The following XKR6 variants were observed in gnomAD, a reference collection of about 807,000 sequenced individuals.
XKR6 encodes the protein XK related 6.
A neutral mutation model predicts 56.7 loss-of-function variants in XKR6; 22 were observed. That is an observed-to-expected ratio of 0.39 (90% CI 0.28 to 0.55). The LOEUF (loss-of-function observed/expected upper bound fraction) is 0.55, where lower values mean the gene tolerates loss of function less well. Among genes scored for constraint, XKR6 ranks in the 20% least tolerant of loss-of-function variants. The pLI is 0.66. For missense variants in XKR6, 852 were observed against 889.0 expected, an observed-to-expected ratio of 0.96 and a Z score of 0.53; for synonymous variants, 524 against 387.8, an observed-to-expected ratio of 1.35 and a Z score of -4.13.
intron 1 of XKR6, among the ~76,000 whole-genome samples, chr8:11,052,352 G>A (rs1171603573): frequency 2.6e-5 from 4 of 152,160 alleles, no homozygotes; most frequent in African/African-American, 9.7e-5. Flanking sequence ...GTTTCCCAGA[G>A]CACTTGTCAT....
intron 1 of XKR6, among the ~76,000 whole-genome samples, chr8:11,081,067 C>G (rs1015461058): frequency 2.0e-5 from 3 of 152,218 alleles, no homozygotes; most frequent in Non-Finnish European, 4.4e-5. Context: ...AAACCATTAA[C>G]TTTAGGTAGC....
chr8:11,008,790 G>A (rs117292948), intron 1 of XKR6, among the ~76,000 whole-genome samples: 820 of 152,114 alleles, frequency 5.4e-3, no homozygotes, highest in Non-Finnish European at 8.5e-3. Flanking sequence ...ATGGAGCCAC[G>A]GTCAAGCGCT....
chr8:11,037,744 G>C (rs1425387181), intron 1 of XKR6, among the ~76,000 whole-genome samples: 1 of 152,024 alleles, frequency 6.6e-6, no homozygotes, highest in Admixed American at 6.6e-5. Context: ...TGTAATCCCA[G>C]CTACTTGGGA....
intron 1 of XKR6, among the ~76,000 whole-genome samples, chr8:11,129,197 T>C (rs1030287882): frequency 1.7e-4 from 26 of 152,180 alleles, no homozygotes; most frequent in African/African-American, 6.0e-4. Flanking sequence ...TGCTCAACAT[T>C]GTAAACATAC....
Position 11,133,184 on chromosome 8 carries a change from C to T in XKR6, c.764+67392G>A, listed in dbSNP as rs533008700. Among the ~76,000 whole-genome samples, 11 of 151,054 alleles carry T rather than the reference C, an allele frequency of 7.3e-5. No homozygotes were observed. The East Asian group carries it at 1.5e-3, about 21-fold the overall frequency. ...AAACGCACATTTATAAAAAGCTTAT[C>T]GCTTTCAGTCATCAGAAGTAAGGTA... is the stretch of plus-strand genomic sequence containing the variant. On this transcript the variant is annotated intron_variant, in intron 1 of 2. Transcript: ENST00000416569.
At chr8:11,009,819 A>T (rs10092587) in intron 1 of XKR6, among the ~76,000 whole-genome samples, 7,402 of 152,326 alleles carry the variant, frequency 0.049, 595 homozygotes, top group African/African-American at 0.17. Context: ...ATATTACTTC[A>T]TTAATCATTG....
At chr8:10,934,828 A>G (rs1387183791) in intron 1 of XKR6, among the ~76,000 whole-genome samples, 1 of 149,752 alleles carries the variant, frequency 6.7e-6, no homozygotes, top group Non-Finnish European at 1.5e-5. Context: ...TTTTTGCATC[A>G]ATGTTCATCA....
intron 1 of XKR6, among the ~76,000 whole-genome samples, chr8:11,066,148 C>G (rs1226538124): frequency 1.3e-5 from 2 of 152,176 alleles, no homozygotes; most frequent in East Asian, 3.8e-4. Context: ...AATCAGCAGC[C>G]CTTCTTATCT....
intron 1 of XKR6, among the ~76,000 whole-genome samples, chr8:10,943,060 C>T (rs931578908): frequency 6.6e-6 from 1 of 152,210 alleles, no homozygotes; most frequent in African/African-American, 2.4e-5. Context: ...AGGTAGGCAC[C>T]GTACCCATCT....
intron 1 of XKR6, among the ~76,000 whole-genome samples, chr8:11,120,839 A>T (rs1483025603): frequency 6.6e-6 from 1 of 152,212 alleles, no homozygotes; most frequent in East Asian, 1.9e-4. Flanking sequence ...CAAAACAGAG[A>T]TATAGACCAA....
chr8:10,971,204 G>C (rs750868593), intron 1 of XKR6, among the ~76,000 whole-genome samples: 2 of 151,814 alleles, frequency 1.3e-5, no homozygotes, highest in Non-Finnish European at 2.9e-5. Flanking sequence ...GGCGGATCAC[G>C]AGGTCAGGAG....
chr8:10,962,809 G>C (rs1235180828), intron 1 of XKR6, among the ~76,000 whole-genome samples: 1 of 152,014 alleles, frequency 6.6e-6, no homozygotes, highest in Non-Finnish European at 1.5e-5. Context: ...TTTTAGTAGA[G>C]ATGGGGTCTC....
intron 1 of XKR6, among the ~76,000 whole-genome samples, chr8:10,971,892 A>T (rs1172958816): frequency 6.6e-6 from 1 of 152,208 alleles, no homozygotes; most frequent in East Asian, 1.9e-4. Context: ...AGTAGGTGTC[A>T]TATACAATAA....
At chr8:11,161,290 C>A (rs1801793217) in intron 1 of XKR6, among the ~76,000 whole-genome samples, 1 of 152,166 alleles carries the variant, frequency 6.6e-6, no homozygotes, top group Non-Finnish European at 1.5e-5. Flanking sequence ...CCAGTACCTA[C>A]CTTGGTAAGT....
chr8:11,065,271 C>T (rs1195621991), intron 1 of XKR6, among the ~76,000 whole-genome samples: 3 of 152,212 alleles, frequency 2.0e-5, no homozygotes, highest in Non-Finnish European at 2.9e-5. Flanking sequence ...ACAAGATAGT[C>T]ACTTCGTAAC....
chr8:10,976,252 G>C (rs1267465785), intron 1 of XKR6, among the ~76,000 whole-genome samples: 1 of 152,070 alleles, frequency 6.6e-6, no homozygotes, highest in Non-Finnish European at 1.5e-5. Context: ...TAGCAGAAAA[G>C]TCTATTTGTT....
chr8:11,058,590 G>A (rs1799745463), intron 1 of XKR6, among the ~76,000 whole-genome samples: 1 of 152,168 alleles, frequency 6.6e-6, no homozygotes, highest in Non-Finnish European at 1.5e-5. Context: ...CACAGGAACA[G>A]AAAACCAAAC....
At chr8:11,079,141 A>C (rs1800348414) in intron 1 of XKR6, among the ~76,000 whole-genome samples, 1 of 152,150 alleles carries the variant, frequency 6.6e-6, no homozygotes, top group Admixed American at 6.5e-5. Flanking sequence ...CAGGGAGGAA[A>C]CACCTCCTTC....
chr8:11,112,203 A>C (rs952768321), intron 1 of XKR6, among the ~76,000 whole-genome samples: 3 of 152,208 alleles, frequency 2.0e-5, no homozygotes, highest in Non-Finnish European at 4.4e-5. Flanking sequence ...ATTTTCTTTT[A>C]AAAGTTGTCA....
Sources: allele counts gnomAD v4.1 joint callset (sites outside exome capture counted in the v4.1 genomes callset), GRCh38; gene constraint gnomAD v4.1.1; transcripts MANE v1.5; gene names NCBI Gene and HGNC (gene_info 2026-07-23, HGNC 2026-07-21).